SPATA6L: variants seen among roughly 807,000 people sequenced by gnomAD.
SPATA6L encodes the protein spermatogenesis associated 6-like protein.
A neutral mutation model predicts 49.2 loss-of-function variants in SPATA6L; 68 were observed. The observed-to-expected ratio is 1.38, with a 90% CI of 1.14 to 1.69. The LOEUF (loss-of-function observed/expected upper bound fraction) is 1.69. Ranked by LOEUF, SPATA6L falls within the 40% of genes most tolerant of loss-of-function variation. The pLI is 0.00. For synonymous variants in SPATA6L, 198 were observed against 165.7 expected (o/e 1.19, Z -1.50); for missense variants, 668 against 464.3 (o/e 1.44, Z -4.03).
intron 3 of SPATA6L, among the ~76,000 whole-genome samples, chr9:4,654,823 G>A (rs1341484297): frequency 6.6e-6 from 1 of 152,078 alleles, no homozygotes; most frequent in Non-Finnish European, 1.5e-5. Flanking sequence ...GGCACAGGAT[G>A]GGGGCATGGT....
chr9:4,654,631 G>C (rs956828162), intron 3 of SPATA6L, among the ~76,000 whole-genome samples: 5 of 152,224 alleles, frequency 3.3e-5, no homozygotes, highest in African/African-American at 1.2e-4. Context: ...AGTGGGGGTA[G>C]CTTTCAGCAG....
At chr9:4,645,678 C>A (rs1227160130) in intron 3 of SPATA6L, among the ~76,000 whole-genome samples, 1 of 152,172 alleles carries the variant, frequency 6.6e-6, no homozygotes, top group East Asian at 1.9e-4. Context: ...GAATTAAAAT[C>A]TGATACATGC....
Position 4,598,620 on chromosome 9 carries a change from A to G in SPATA6L, c.*2191T>C, listed in dbSNP as rs1405785939. 6.6e-6 allele frequency among the ~76,000 whole-genome samples: 1 copy of G among 152,232 alleles called. No individual in the cohort carries two copies. The highest frequency in any genetic ancestry group is 1.5e-5 in the Non-Finnish European group (1 of 68,038). ...GATCTTATTAAAGAGTTATGCTTAA[A>G]CCATTTCAAAAAACACTGAATATTG... is the stretch of plus-strand genomic sequence containing the variant. On this transcript the variant is annotated 3_prime_UTR_variant, in exon 12 of 12. Coordinates refer to ENST00000682582, the MANE Select transcript of SPATA6L (RefSeq NM_001353486.2).
chr9:4,666,267 G>GA lies in SPATA6L; in HGVS notation c.-18dup, dbSNP rs770060694. The GA allele has an allele frequency of 6.2e-7, 1 of 1,614,094 alleles. No individual in the cohort carries two copies. Among genetic ancestry groups the GA allele is most frequent in the South Asian group, 1.1e-5 (1 of 91,048 alleles). On this transcript the variant is annotated 5_prime_UTR_variant, in exon 1 of 12. Transcript: ENST00000682582. ...CAGAGGCATCGTTCCCTGCGTGGGC[G>GA]AAAGGACTGGAATGAGAAGATCCTT...
intron 7 of SPATA6L, among the ~76,000 whole-genome samples, chr9:4,622,203 C>G (rs557085247): frequency 6.6e-6 from 1 of 152,212 alleles, no homozygotes; most frequent in African/African-American, 2.4e-5. Flanking sequence ...TCCCCTTCAA[C>G]GGCGAGGGGA....
intron 9 of SPATA6L, among the ~76,000 whole-genome samples, chr9:4,610,878 A>C (rs1156975699): frequency 2.6e-5 from 4 of 151,778 alleles, no homozygotes; most frequent in Admixed American, 1.3e-4. Flanking sequence ...AAATGGGAGA[A>C]AATTTTTGCA....
intron 1 of SPATA6L, 47 bp downstream of exon 1, chr9:4,666,165 T>C (rs1563756745): frequency 6.2e-7 from 1 of 1,603,122 alleles, no homozygotes; most frequent in Non-Finnish European, 8.5e-7. Context: ...TGAGACTATT[T>C]AGAGTCCGAC....
chr9:4,589,871 G>A (rs1028346951), intron 13 of SPATA6L, among the ~76,000 whole-genome samples: 5 of 152,152 alleles, frequency 3.3e-5, no homozygotes, highest in Non-Finnish European at 7.3e-5. Flanking sequence ...TAAAGTGAAA[G>A]CCAGATAATA....
At chr9:4,661,684 C>G (rs563662065) in intron 2 of SPATA6L, among the ~76,000 whole-genome samples, 3 of 152,108 alleles carry the variant, frequency 2.0e-5, no homozygotes, top group Admixed American at 6.5e-5. Context: ...TAGGAAACAT[C>G]AACCAGGGTA....
intron 4 of SPATA6L, among the ~76,000 whole-genome samples, chr9:4,629,769 G>GTGTGTGTGTGTATATATATATA (rs1311805859): frequency 1.3e-3 from 128 of 101,876 alleles, no homozygotes; most frequent in Non-Finnish European, 1.6e-3. Flanking sequence ...GTGTGTGTGT[G>GTGTGTGTGTGTATATATATATA]TATATATATA....
chr9:4,650,968 C>A (rs1836713991), intron 3 of SPATA6L, among the ~76,000 whole-genome samples: 1 of 151,978 alleles, frequency 6.6e-6, no homozygotes, highest in Non-Finnish European at 1.5e-5. Flanking sequence ...TCCCAAAATG[C>A]TGGGATTACA....
At chr9:4,612,046 C>T (rs1005094143) in intron 9 of SPATA6L, among the ~76,000 whole-genome samples, 1 of 151,872 alleles carries the variant, frequency 6.6e-6, no homozygotes, top group Non-Finnish European at 1.5e-5. Flanking sequence ...GGTCTTGCTA[C>T]CCAGGCTGGT....
chr9:4,663,351 C>T, intron 1 of SPATA6L: 1 of 1,369,908 alleles, frequency 7.3e-7, no homozygotes, highest in Non-Finnish European at 1.0e-6. Flanking sequence ...CCCGCTTGTC[C>T]CTCTTAGGCA....
Position 4,662,272 on chromosome 9 carries a change from C to T in SPATA6L, c.40-236G>A. Reference sequence around the variant, plus strand: ...CACAATCGCGCTCTCGCCGGCTCCTCTCCCCGCCCCTCCGGGATGGTAGTG... The same window carrying T: ...CACAATCGCGCTCTCGCCGGCTCCTTTCCCCGCCCCTCCGGGATGGTAGTG... On this transcript the variant is annotated intron_variant, in intron 1 of 11. Transcript: ENST00000682582. This position sits in a 1 kb window ranked among gnomAD's most constrained non-coding sequence, Gnocchi z 4.9. 2.8e-6 allele frequency: 4 copies of T among 1,434,554 alleles called. No homozygotes were observed. The highest frequency in any genetic ancestry group is 2.7e-6 in the Non-Finnish European group (3 of 1,099,848). The allele number at this position is 1,434,554 out of a possible 1,614,324, so 88.9% of individuals were successfully genotyped here.
Position 4,662,184 on chromosome 9 carries a change from A to T in SPATA6L, c.40-148T>A, listed in dbSNP as rs1363001164. On this transcript the variant is annotated intron_variant, in intron 1 of 11. Coordinates refer to ENST00000682582, the MANE Select transcript of SPATA6L (RefSeq NM_001353486.2). This position sits in a 1 kb window ranked among gnomAD's most constrained non-coding sequence, Gnocchi z 4.9. Reference sequence around the variant, plus strand: ...CTCACCTGTACCTCCCAACGCCAACATCCTCCCCTCTGCTCTCCTCACATT... The same window carrying T: ...CTCACCTGTACCTCCCAACGCCAACTTCCTCCCCTCTGCTCTCCTCACATT... The T allele has an allele frequency of 6.9e-7, 1 of 1,447,402 alleles. No homozygotes were observed. Among genetic ancestry groups the T allele is most frequent in the Non-Finnish European group, 9.1e-7 (1 of 1,103,308 alleles). 89.7% of individuals were successfully genotyped at this position (1,447,402 alleles called of 1,614,324 possible).
rs780110833 is a variant in SPATA6L, at chr9:4,635,410, A to C, written c.227-11T>G. 6.4e-7 allele frequency: 1 copy of C among 1,572,044 alleles called. No individual in the cohort carries two copies. Among genetic ancestry groups the C allele is most frequent in the Admixed American group, 2.1e-5 (1 of 47,456 alleles). On this transcript the variant is annotated splice_polypyrimidine_tract_variant and intron_variant, in intron 3 of 11. Transcript: ENST00000682582. ...CCAACTCATCCCACACTAGAAAGAA[A>C]ATAGAAAAAGCATAAATATCTGTAT... is the stretch of plus-strand genomic sequence containing the variant.
At chr9:4,652,799 C>T (rs772162597) in intron 3 of SPATA6L, among the ~76,000 whole-genome samples, 2 of 141,590 alleles carry the variant, frequency 1.4e-5, no homozygotes, top group Non-Finnish European at 3.0e-5. Context: ...AGAGATCGCA[C>T]GATTGCACTC....
chr9:4,612,924 C>T, intron 9 of SPATA6L, among the ~76,000 whole-genome samples: 1 of 151,814 alleles, frequency 6.6e-6, no homozygotes, highest in East Asian at 1.9e-4. Context: ...CTAAAAACAC[C>T]CAAAGAATTA....
chr9:4,660,849 C>T (rs979669484), intron 2 of SPATA6L, among the ~76,000 whole-genome samples: 1 of 152,122 alleles, frequency 6.6e-6, no homozygotes, highest in African/African-American at 2.4e-5. Context: ...TACTATGCAG[C>T]CATAAAAAAG....
Sources: allele counts gnomAD v4.1 joint callset (sites outside exome capture counted in the v4.1 genomes callset), GRCh38; gene constraint gnomAD v4.1.1; non-coding constraint Gnocchi (gnomAD v3.1); transcripts MANE v1.5; gene names NCBI Gene and HGNC (gene_info 2026-07-23, HGNC 2026-07-21).